The following TRAPPC9 variants were observed in gnomAD, a reference collection of about 807,000 sequenced individuals.
The protein encoded by TRAPPC9 is IKK2 binding protein.
A neutral mutation model predicts 124.0 loss-of-function variants in TRAPPC9; 83 were observed. The ratio of observed to expected loss-of-function variants is 0.67; its 90% CI spans 0.56 to 0.80. TRAPPC9 has a LOEUF of 0.80. Ranked by LOEUF, TRAPPC9 falls within the 30% of genes least tolerant of loss-of-function variation. TRAPPC9 has a pLI of 0.00. For synonymous variants in TRAPPC9, 638 were observed against 617.5 expected (o/e 1.03, Z -0.49); for missense variants, 1,302 against 1,508.3 (o/e 0.86, Z 2.27).
chr8:140,389,281 T>G (rs898265687), intron 7 of TRAPPC9, among the ~76,000 whole-genome samples: 1 of 152,176 alleles, frequency 6.6e-6, no homozygotes, highest in Non-Finnish European at 1.5e-5. Flanking sequence ...AAAGGGCATA[T>G]AAGTGTTCAT....
chr8:139,782,275 G>C (rs1046120431), intron 21 of TRAPPC9, among the ~76,000 whole-genome samples: 4 of 152,186 alleles, frequency 2.6e-5, no homozygotes, highest in Admixed American at 1.3e-4. Context: ...AGCTATTCAG[G>C]AGGCTAAAGT....
At chr8:139,784,717 G>T (rs1586834922) in intron 21 of TRAPPC9, among the ~76,000 whole-genome samples, 2 of 143,394 alleles carry the variant, frequency 1.4e-5, no homozygotes, top group East Asian at 2.1e-4. Flanking sequence ...ATTTACAATA[G>T]CATAAAGAAT....
At chr8:140,439,307 C>A in intron 2 of TRAPPC9, 110 bp from the exon 3 acceptor site, 1 of 1,200,946 alleles carries the variant, frequency 8.3e-7, no homozygotes, top group Non-Finnish European at 1.2e-6. Context: ...AAGAAGGCAA[C>A]TGTAGGCTCT....
chr8:140,036,223 T>TA lies in TRAPPC9; in HGVS notation c.2557-12145dup, dbSNP rs10707510. Among the ~76,000 whole-genome samples the TA allele has an allele frequency of 3.6e-3, 531 of 145,682 alleles. 3 individuals are homozygous for TA. The highest frequency in any genetic ancestry group is 0.011 in the African/African-American group (420 of 39,000). ...AAAGGCATGACCTGAACGACTTCTTTAAAAAAAAAAAAAAGAACACTCTGG... is the reference window on the plus strand; with the variant it reads ...AAAGGCATGACCTGAACGACTTCTTTAAAAAAAAAAAAAAAGAACACTCTGG... On this transcript the variant is annotated intron_variant, in intron 17 of 22. Coordinates refer to ENST00000438773, the MANE Select transcript of TRAPPC9 (RefSeq NM_001160372.4).
chr8:140,133,240 G>A (rs974674528), intron 17 of TRAPPC9, among the ~76,000 whole-genome samples: 5 of 152,234 alleles, frequency 3.3e-5, no homozygotes, highest in East Asian at 1.9e-4. Context: ...TTCCTAGAAC[G>A]TAAGGATAGT....
chr8:139,918,089 G>C (rs747709375), intron 19 of TRAPPC9, among the ~76,000 whole-genome samples: 1 of 152,198 alleles, frequency 6.6e-6, no homozygotes, highest in Non-Finnish European at 1.5e-5. Flanking sequence ...ACAGAGCCTC[G>C]CACTCCTTCA....
intron 11 of TRAPPC9, among the ~76,000 whole-genome samples, chr8:140,299,785 G>A (rs1442288142): frequency 1.3e-5 from 2 of 152,228 alleles, no homozygotes; most frequent in Non-Finnish European, 2.9e-5. Context: ...AGGGACGAGA[G>A]CTCAGACACA....
intron 7 of TRAPPC9, among the ~76,000 whole-genome samples, chr8:140,376,147 A>T (rs550809396): frequency 6.6e-6 from 1 of 152,318 alleles, no homozygotes; most frequent in Middle Eastern, 3.4e-3. Flanking sequence ...ATCCATTTTC[A>T]GTTTTAATCA....
chr8:139,877,393 A>G (rs1014982682), intron 21 of TRAPPC9, among the ~76,000 whole-genome samples: 4 of 152,208 alleles, frequency 2.6e-5, no homozygotes, highest in Admixed American at 2.6e-4. Flanking sequence ...AGAAAGGTCC[A>G]GCCCTACCTC....
chr8:139,874,483 T>C (rs573678167), intron 21 of TRAPPC9, among the ~76,000 whole-genome samples: 19 of 152,210 alleles, frequency 1.2e-4, no homozygotes, highest in African/African-American at 4.6e-4. Context: ...CAGGCGGAAA[T>C]GCAGCTGGGC....
chr8:140,184,892 G>A (rs757585296), intron 17 of TRAPPC9, among the ~76,000 whole-genome samples: 5 of 152,042 alleles, frequency 3.3e-5, no homozygotes, highest in Non-Finnish European at 7.4e-5. Flanking sequence ...CTCTGTCACC[G>A]AGCCCATCCC....
chr8:140,239,934 A>G (rs1425464480), intron 16 of TRAPPC9, among the ~76,000 whole-genome samples: 1 of 152,244 alleles, frequency 6.6e-6, no homozygotes, highest in African/African-American at 2.4e-5. Context: ...GCAGTAGCAG[A>G]TGAGGACAAA....
chr8:140,003,652 C>G (rs896746031), intron 18 of TRAPPC9, among the ~76,000 whole-genome samples: 1 of 149,036 alleles, frequency 6.7e-6, no homozygotes, highest in African/African-American at 2.5e-5. Context: ...GAAGATATCA[C>G]TATATGCCTA....
intron 18 of TRAPPC9, among the ~76,000 whole-genome samples, chr8:140,012,792 T>C (rs1839219598): frequency 2.0e-5 from 3 of 152,156 alleles, no homozygotes; most frequent in African/African-American, 2.4e-5. Context: ...GCATGTCAAA[T>C]GTACAAGGAC....
At chr8:140,146,729 T>G (rs2061468459) in intron 17 of TRAPPC9, among the ~76,000 whole-genome samples, 1 of 152,192 alleles carries the variant, frequency 6.6e-6, no homozygotes, top group African/African-American at 2.4e-5. Flanking sequence ...GCCTCTAATA[T>G]TTCATAATGA....
At chr8:140,187,004 G>A (rs548996458) in intron 17 of TRAPPC9, among the ~76,000 whole-genome samples, 106 of 152,102 alleles carry the variant, frequency 7.0e-4, no homozygotes, top group Admixed American at 1.1e-3. Context: ...CTCGATACTC[G>A]TCTCTACACG....
chr8:140,036,864 T>C (rs1840930122), intron 17 of TRAPPC9, among the ~76,000 whole-genome samples: 2 of 152,298 alleles, frequency 1.3e-5, no homozygotes, highest in East Asian at 1.9e-4. Flanking sequence ...TTTTAAATTG[T>C]ACTTTAAGTT....
At chr8:140,062,366 C>T (rs1015799282) in intron 17 of TRAPPC9, among the ~76,000 whole-genome samples, 15 of 152,308 alleles carry the variant, frequency 9.8e-5, no homozygotes, top group Non-Finnish European at 1.6e-4. Context: ...CATGACATTT[C>T]GGTAGGACGT....
intron 17 of TRAPPC9, among the ~76,000 whole-genome samples, chr8:140,109,117 T>C (rs2060718199): frequency 6.6e-6 from 1 of 152,112 alleles, no homozygotes; most frequent in African/African-American, 2.4e-5. Flanking sequence ...AAAAATTATA[T>C]AATGAAAGTG....
Sources: gnomAD v4.1 joint callset for allele counts (sites outside exome capture counted in the v4.1 genomes callset) on GRCh38, gnomAD v4.1.1 for gene constraint, MANE v1.5 for transcripts, NCBI Gene and HGNC (gene_info 2026-07-23, HGNC 2026-07-21) for gene names.